Variants in BBX observed in about 807,000 individuals in gnomAD.
The protein encoded by BBX is BBX high mobility group box domain containing.
Under a neutral mutation model 100.2 loss-of-function variants are expected in BBX, and 30 were observed. That is an observed-to-expected ratio of 0.30 (90% confidence interval 0.22 to 0.41). The LOEUF (loss-of-function observed/expected upper bound fraction) is 0.41, where lower values mean the gene tolerates loss of function less well. Among genes scored for constraint, BBX ranks in the 10% least tolerant of loss-of-function variants. The pLI, the probability that BBX is intolerant of heterozygous loss-of-function variation, is 1.00. For missense variants in BBX, 1,023 were observed against 1,129.8 expected, an observed-to-expected ratio of 0.91 and a Z score of 1.35; for synonymous variants, 376 against 388.1, an observed-to-expected ratio of 0.97 and a Z score of 0.37.
intron 9 of BBX, among the ~76,000 whole-genome samples, chr3:107,750,440 A>G (rs1216580736): frequency 6.6e-6 from 1 of 152,228 alleles, no homozygotes; most frequent in African/African-American, 2.4e-5. Context: ...TGTAGTCCCT[A>G]CAAGATATAA....
intron 7 of BBX, among the ~76,000 whole-genome samples, chr3:107,736,457 A>T (rs1298679211): frequency 6.6e-6 from 1 of 151,994 alleles, no homozygotes; most frequent in Admixed American, 6.6e-5. Flanking sequence ...AGAAATAAAA[A>T]TGTAGAACAA....
intron 3 of BBX, among the ~76,000 whole-genome samples, chr3:107,709,028 C>G (rs2061557691): frequency 6.6e-6 from 1 of 151,810 alleles, no homozygotes; most frequent in African/African-American, 2.4e-5. Flanking sequence ...GAAGAGAATC[C>G]AGAAATAGGC....
intron 3 of BBX, among the ~76,000 whole-genome samples, chr3:107,706,022 CTTTTTTTT>C (rs35648451): frequency 7.8e-6 from 1 of 128,870 alleles, no homozygotes; most frequent in Admixed American, 8.1e-5. Context: ...GAGCTTGCTA[CTTTTTTTT>C]TTTTTTTTTT....
intron 13 of BBX, among the ~76,000 whole-genome samples, chr3:107,782,464 C>A (rs989523148): frequency 1.3e-5 from 2 of 151,964 alleles, no homozygotes; most frequent in African/African-American, 4.8e-5. Context: ...CCACCACCAC[C>A]AGAGTTACGC....
At chr3:107,679,738 C>T (rs1350940413) in intron 3 of BBX, among the ~76,000 whole-genome samples, 1 of 152,154 alleles carries the variant, frequency 6.6e-6, no homozygotes, top group Non-Finnish European at 1.5e-5. Context: ...TTTCTCTTTC[C>T]TCTGAACTTG....
intron 2 of BBX, among the ~76,000 whole-genome samples, chr3:107,552,865 C>T (rs1372843343): frequency 2.6e-5 from 4 of 152,186 alleles, no homozygotes; most frequent in African/African-American, 9.7e-5. Flanking sequence ...AGGAGATACG[C>T]AATCTCTAAG....
At chr3:107,706,767 A>C (rs535245058) in intron 3 of BBX, among the ~76,000 whole-genome samples, 3 of 152,326 alleles carry the variant, frequency 2.0e-5, no homozygotes, top group Admixed American at 6.5e-5. Context: ...TGACAAGATT[A>C]GTCCTCTGTC....
chr3:107,530,631 TAAATA>T (rs1468048605), intron 2 of BBX, among the ~76,000 whole-genome samples: 2 of 152,046 alleles, frequency 1.3e-5, no homozygotes, highest in Non-Finnish European at 2.9e-5. Flanking sequence ...TAGGAATAAT[TAAATA>T]AAAGGCCAAT....
chr3:107,721,095 A>G (rs936821135), intron 5 of BBX, among the ~76,000 whole-genome samples: 2 of 152,102 alleles, frequency 1.3e-5, no homozygotes, highest in Admixed American at 6.6e-5. Context: ...ATTTCCACAT[A>G]GATGAAACTT....
intron 15 of BBX, among the ~76,000 whole-genome samples, chr3:107,795,479 T>C (rs1207338220): frequency 1.3e-5 from 2 of 152,162 alleles, no homozygotes; most frequent in Non-Finnish European, 2.9e-5. Context: ...AAGGTCACAT[T>C]ACATACCTTT....
At chr3:107,672,158 TAG>T (rs1422333265) in intron 3 of BBX, among the ~76,000 whole-genome samples, 1 of 152,062 alleles carries the variant, frequency 6.6e-6, no homozygotes, top group African/African-American at 2.4e-5. Flanking sequence ...GCAGATGTAT[TAG>T]AGTCACTTGT....
At chr3:107,608,986 T>A (rs2054641639) in intron 2 of BBX, among the ~76,000 whole-genome samples, 1 of 152,192 alleles carries the variant, frequency 6.6e-6, no homozygotes, top group African/African-American at 2.4e-5. Context: ...AAATATATGA[T>A]CATATCATCT....
intron 7 of BBX, among the ~76,000 whole-genome samples, chr3:107,742,034 AT>A (rs1420383322): frequency 6.6e-6 from 1 of 152,198 alleles, no homozygotes; most frequent in Non-Finnish European, 1.5e-5. Context: ...CAGAAGAAAT[AT>A]GTCTAACCTG....
chr3:107,775,604 G>C (rs916482627), intron 12 of BBX, among the ~76,000 whole-genome samples: 4 of 152,040 alleles, frequency 2.6e-5, no homozygotes, highest in African/African-American at 9.7e-5. Context: ...AGAATACTTT[G>C]AATAGAAATA....
chr3:107,690,532 T>A (rs1043042685), intron 3 of BBX, among the ~76,000 whole-genome samples: 3 of 152,204 alleles, frequency 2.0e-5, no homozygotes, highest in Non-Finnish European at 4.4e-5. Flanking sequence ...AATATGTGGA[T>A]GGTTACCTAT....
chr3:107,746,655 A>G (rs906119182), intron 8 of BBX, among the ~76,000 whole-genome samples: 20 of 151,558 alleles, frequency 1.3e-4, no homozygotes, highest in African/African-American at 2.4e-4. Flanking sequence ...AGGTCTTGCT[A>G]TGTTACCCAG....
At chr3:107,539,942 AG>A (rs1405340988) in intron 2 of BBX, among the ~76,000 whole-genome samples, 1 of 152,152 alleles carries the variant, frequency 6.6e-6, no homozygotes, top group African/African-American at 2.4e-5. Context: ...ACATGGTAAA[AG>A]CTCAACAGAT....
At chr3:107,649,401 G>T (rs2057708680) in intron 3 of BBX, among the ~76,000 whole-genome samples, 1 of 152,152 alleles carries the variant, frequency 6.6e-6, no homozygotes, top group African/African-American at 2.4e-5. Flanking sequence ...GAAAGCATTT[G>T]GGTGATTATA....
At chr3:107,653,486 G>C (rs1198327311) in intron 3 of BBX, among the ~76,000 whole-genome samples, 1 of 152,070 alleles carries the variant, frequency 6.6e-6, no homozygotes, top group Admixed American at 6.6e-5. Context: ...GTTTTGTTCT[G>C]GGATGTATTT....
Sources: gnomAD v4.1 joint callset for allele counts (sites outside exome capture counted in the v4.1 genomes callset) on GRCh38, gnomAD v4.1.1 for gene constraint, MANE v1.5 for transcripts, NCBI Gene and HGNC (gene_info 2026-07-23, HGNC 2026-07-21) for gene names.